Variants in EML5 observed in about 807,000 individuals in gnomAD.
EML5 encodes the protein echinoderm microtubule-associated protein-like 5.
Under a neutral mutation model 250.0 loss-of-function variants are expected in EML5, and 120 were observed. That is an observed-to-expected ratio of 0.48 (90% CI 0.41 to 0.56). EML5 has a LOEUF of 0.56. EML5 is among the 20% of genes least tolerant of loss of function. The pLI is 0.00. For synonymous variants in EML5, 771 were observed against 806.5 expected, an observed-to-expected ratio of 0.96 and a Z score of 0.75; for missense variants, 2,006 against 2,437.6, an observed-to-expected ratio of 0.82 and a Z score of 3.73.
intron 21 of EML5, among the ~76,000 whole-genome samples, chr14:88,672,085 C>T (rs1448812543): frequency 1.3e-5 from 2 of 152,160 alleles, no homozygotes; most frequent in Non-Finnish European, 2.9e-5. Context: ...CAACCAAAAA[C>T]AATAGAATAT....
At chr14:88,687,697 T>C (rs897202943) in intron 18 of EML5, among the ~76,000 whole-genome samples, 1 of 151,818 alleles carries the variant, frequency 6.6e-6, no homozygotes, top group Admixed American at 6.6e-5. Flanking sequence ...ATGGTGATTA[T>C]ATATAAACAG....
chr14:88,790,367 T>A (rs999156484), intron 1 of EML5, among the ~76,000 whole-genome samples: 3 of 152,258 alleles, frequency 2.0e-5, no homozygotes, highest in African/African-American at 7.2e-5. Flanking sequence ...ATGTTTGTTG[T>A]TTTGTATAAG....
intron 33 of EML5, 182 bp from the exon 34 acceptor site, chr14:88,628,001 G>A: frequency 1.4e-6 from 1 of 697,532 alleles, no homozygotes; most frequent in East Asian, 2.8e-5. Context: ...TTGGGGGTGG[G>A]GAGGAAAGAA....
chr14:88,677,253 C>A (rs966026787), intron 21 of EML5, among the ~76,000 whole-genome samples: 1 of 152,092 alleles, frequency 6.6e-6, no homozygotes, highest in Non-Finnish European at 1.5e-5. Flanking sequence ...TGGCCACATG[C>A]AGAAAATTGA....
At chr14:88,675,226 C>T (rs2092566495) in intron 21 of EML5, among the ~76,000 whole-genome samples, 1 of 152,228 alleles carries the variant, frequency 6.6e-6, no homozygotes. Context: ...CCACATTTCC[C>T]TTTTGCACTG....
In EML5 at chr14:88,627,951, G is replaced by T. The variant is rs1238893593; in HGVS notation, c.4358-132C>A. The T allele has an allele frequency of 6.7e-6, 6 of 898,360 alleles. No individual in the cohort carries two copies. In the Admixed American group the frequency reaches 1.2e-4, roughly 18 times the overall value. The allele number at this position is 898,360 out of a possible 1,614,324, so 55.6% of individuals were successfully genotyped here. On this transcript the variant is annotated intron_variant, in intron 33 of 43. Transcript: ENST00000554922. ...CAAAAACTGTACTTAACAAAGAACA[G>T]CTCAAAACTAAGGCTAAATTTAAGA...
At chr14:88,680,688 CAAATTTTAAAAA>C (rs1370178106) in intron 21 of EML5, among the ~76,000 whole-genome samples, 1 of 151,602 alleles carries the variant, frequency 6.6e-6, no homozygotes, top group East Asian at 1.9e-4. Flanking sequence ...CCATTATTTC[CAAATTTTAAAAA>C]AATCTGATCT....
At chr14:88,665,834 G>A (rs2092291773) in intron 21 of EML5, among the ~76,000 whole-genome samples, 1 of 152,114 alleles carries the variant, frequency 6.6e-6, no homozygotes. Flanking sequence ...TTTGAGCCCA[G>A]GAGGTTGAGG....
chr14:88,765,561 T>C (rs1208838463), intron 1 of EML5, among the ~76,000 whole-genome samples: 3 of 152,206 alleles, frequency 2.0e-5, no homozygotes, highest in Non-Finnish European at 4.4e-5. Context: ...CTCACATAAT[T>C]AGACTGGGCC....
At chr14:88,759,259 A>T (rs1050159221) in intron 1 of EML5, among the ~76,000 whole-genome samples, 1 of 152,188 alleles carries the variant, frequency 6.6e-6, no homozygotes, top group Admixed American at 6.5e-5. Flanking sequence ...TTAGACAGAC[A>T]TGGGTTCAAA....
At chr14:88,788,668 T>C (rs1482975131) in intron 1 of EML5, among the ~76,000 whole-genome samples, 1 of 152,172 alleles carries the variant, frequency 6.6e-6, no homozygotes, top group African/African-American at 2.4e-5. Flanking sequence ...TGGTCTTCAC[T>C]GGTATAGATT....
chr14:88,706,184 A>G (rs2093314534), intron 11 of EML5, 75 bp downstream of exon 11: 1 of 1,360,406 alleles, frequency 7.4e-7, no homozygotes, highest in African/African-American at 1.5e-5. Context: ...TTATACTTTA[A>G]TATAAAATTG....
At chr14:88,786,703 T>C (rs975650088) in intron 1 of EML5, among the ~76,000 whole-genome samples, 7 of 152,198 alleles carry the variant, frequency 4.6e-5, no homozygotes, top group African/African-American at 1.7e-4. Context: ...CGAGATCTGA[T>C]GGTTTCATCA....
chr14:88,708,224 C>T (rs562603606), intron 10 of EML5, among the ~76,000 whole-genome samples: 2 of 152,144 alleles, frequency 1.3e-5, no homozygotes, highest in Non-Finnish European at 2.9e-5. Context: ...ATAACTTGTT[C>T]TGATAAATGG....
chr14:88,768,318 C>T (rs1050318092), intron 1 of EML5, among the ~76,000 whole-genome samples: 1 of 152,104 alleles, frequency 6.6e-6, no homozygotes, highest in Non-Finnish European at 1.5e-5. Context: ...CTATGCAAAT[C>T]CTATTTCTCT....
At chr14:88,700,809 A>G (rs1039051406) in intron 14 of EML5, among the ~76,000 whole-genome samples, 1 of 152,158 alleles carries the variant, frequency 6.6e-6, no homozygotes, top group Non-Finnish European at 1.5e-5. Context: ...ACAACTGTGC[A>G]TCCAAGACCC....
intron 27 of EML5, among the ~76,000 whole-genome samples, chr14:88,650,157 T>C (rs1025604525): frequency 2.0e-5 from 3 of 152,198 alleles, no homozygotes; most frequent in Non-Finnish European, 4.4e-5. Flanking sequence ...ATATTTGTTA[T>C]AAAAACATTT....
chr14:88,734,046 C>T (rs897045056), intron 7 of EML5, among the ~76,000 whole-genome samples: 1 of 151,632 alleles, frequency 6.6e-6, no homozygotes, highest in Admixed American at 6.6e-5. Flanking sequence ...ATTGAAATTA[C>T]TTGCAATTTA....
intron 31 of EML5, 27 bp downstream of exon 31, chr14:88,642,866 G>C: frequency 6.4e-7 from 1 of 1,568,192 alleles, no homozygotes; most frequent in South Asian, 1.2e-5. Context: ...AAAATTGATA[G>C]AGGGATGGAG....
Sources: allele counts gnomAD v4.1 joint callset (sites outside exome capture counted in the v4.1 genomes callset), GRCh38; gene constraint gnomAD v4.1.1; transcripts MANE v1.5; gene names NCBI Gene and HGNC (gene_info 2026-07-23, HGNC 2026-07-21).